Variants in LIPN observed in about 807,000 individuals in gnomAD.
LIPN encodes lipase family member N.
In LIPN, 32 loss-of-function variants were observed where a neutral mutation model predicts 43.7. That is an observed-to-expected ratio of 0.73 (90% confidence interval 0.55 to 0.98). The LOEUF is 0.98. Among genes scored for constraint, LIPN ranks in the 50% least tolerant of loss-of-function variants. The probability of loss-of-function intolerance (pLI) is 0.00; values close to 1 mark genes in which losing one functional copy is unlikely to be tolerated. For synonymous variants in LIPN, 156 were observed against 157.6 expected (o/e 0.99, Z 0.08); for missense variants, 505 against 483.8 (o/e 1.04, Z -0.41).
rs1300632946 is a variant in LIPN, at chr10:88,761,751, CTATCTATCTATGTATCTATCTATCTATT to C, written c.108+250_108+277del. Among the ~76,000 whole-genome samples the C allele has an allele frequency of 3.1e-3, 286 of 93,306 alleles. 2 individuals carry two copies. In the East Asian group the frequency reaches 0.057, roughly 19 times the overall value. 61.2% of individuals were successfully genotyped at this position (93,306 alleles called of 152,430 possible). ...TCTATCTATCTATCTATCTATCTAT[CTATCTATCTATGTATCTATCTATCTATT>C]TATCTATCTATCTATCTATCTATAG... is the stretch of plus-strand genomic sequence containing the variant. On this transcript the variant is annotated intron_variant, in intron 2 of 9. Coordinates refer to ENST00000404459, the MANE Select transcript of LIPN (RefSeq NM_001102469.2).
chr10:88,778,904 T>C lies in LIPN; in HGVS notation c.*662T>C, dbSNP rs185062701. Among the ~76,000 whole-genome samples, 11 of 152,290 alleles carry C rather than the reference T, an allele frequency of 7.2e-5. No homozygotes were observed. Among genetic ancestry groups the C allele is most frequent in the Non-Finnish European group, 1.3e-4 (9 of 68,026 alleles). On this transcript the variant is annotated 3_prime_UTR_variant, in exon 10 of 10. Transcript: ENST00000404459. The stretch of plus-strand genomic sequence containing the variant: ...AATAAATTGTACAGCATCAATATCA[T>C]TTTATAATCATAGGGAGGCTTCTTT...
At chr10:88,761,767 C>CTATCTATG (rs1554827666) in intron 2 of LIPN, among the ~76,000 whole-genome samples, 2 of 73,680 alleles carry the variant, frequency 2.7e-5, no homozygotes, top group Non-Finnish European at 4.7e-5. Flanking sequence ...ATCTATGTAT[C>CTATCTATG]TATCTATCTA....
chr10:88,770,187 C>A (rs1211311023), intron 6 of LIPN, among the ~76,000 whole-genome samples: 1 of 151,804 alleles, frequency 6.6e-6, no homozygotes, highest in African/African-American at 2.4e-5. Context: ...TCCAAGTTTA[C>A]TTTCCCAACT....
intron 2 of LIPN, among the ~76,000 whole-genome samples, chr10:88,761,729 ATC>A (rs1491069844): frequency 2.7e-5 from 2 of 73,768 alleles, no homozygotes; most frequent in South Asian, 6.0e-4. Context: ...CTATCTATCT[ATC>A]TATCTATCTA....
intron 7 of LIPN, among the ~76,000 whole-genome samples, chr10:88,771,542 C>G (rs548442180): frequency 1.4e-3 from 220 of 151,814 alleles, no homozygotes; most frequent in South Asian, 3.5e-3. Flanking sequence ...TGGCTTATTT[C>G]ACTTAATGTA....
intron 2 of LIPN, among the ~76,000 whole-genome samples, chr10:88,761,765 ATC>A (rs2134825158): frequency 1.1e-5 from 1 of 87,332 alleles, no homozygotes; most frequent in Non-Finnish European, 2.0e-5. Context: ...CTATCTATGT[ATC>A]TATCTATCTA....
At chr10:88,760,644 A>G (rs1017277133) in intron 1 of LIPN, among the ~76,000 whole-genome samples, 4 of 152,160 alleles carry the variant, frequency 2.6e-5, no homozygotes, top group Admixed American at 1.3e-4. Context: ...AATCCTCACT[A>G]TAACCCTATG....
At chr10:88,767,917 A>G (rs914862595) in intron 5 of LIPN, among the ~76,000 whole-genome samples, 2 of 151,426 alleles carry the variant, frequency 1.3e-5, no homozygotes, top group Non-Finnish European at 2.9e-5. Flanking sequence ...GGGAAGTACT[A>G]TTCCTGATTC....
Position 88,779,277 on chromosome 10 carries a change from A to G in LIPN, c.*1035A>G, listed in dbSNP as rs1266603604. Among the ~76,000 whole-genome samples, 1 of 152,182 alleles carries G rather than the reference A, an allele frequency of 6.6e-6. No homozygotes were observed. On this transcript the variant is annotated 3_prime_UTR_variant, in exon 10 of 10. Transcript: ENST00000404459. The stretch of plus-strand genomic sequence containing the variant: ...ATGCAGGCTGATATCCTTCTGTGCT[A>G]AGAGAGATGATCCTTGGAAAATCCA...
At chr10:88,776,204 T>G (rs1843293579) in intron 9 of LIPN, among the ~76,000 whole-genome samples, 1 of 151,722 alleles carries the variant, frequency 6.6e-6, no homozygotes, top group South Asian at 2.1e-4. Context: ...TATTTGCAAA[T>G]GCTTAGAAAA....
chr10:88,774,813 C>A (rs530177412), intron 8 of LIPN, among the ~76,000 whole-genome samples: 1 of 151,882 alleles, frequency 6.6e-6, no homozygotes, highest in South Asian at 2.1e-4. Context: ...ACTAGGGAAG[C>A]CTCAGGAGAA....
chr10:88,768,883 G>T lies in LIPN; in HGVS notation c.627G>T (p.Thr209=). 6.2e-7 allele frequency: 1 copy of T among 1,611,168 alleles called. No individual in the cohort carries two copies. The highest frequency in any genetic ancestry group is 1.1e-5 in the South Asian group (1 of 90,944). The change falls in exon 6 of 10, where the codon ACG becomes ACT. Residue 209 remains threonine, a synonymous_variant. Coordinates refer to ENST00000404459, the MANE Select transcript of LIPN (RefSeq NM_001102469.2). ...CTACGATCTCATTCAAATATCCCACGGGCATTTTTACCAGGTTTTTTCTAC... is the reference window on the plus strand; with the variant it reads ...CTACGATCTCATTCAAATATCCCACTGGCATTTTTACCAGGTTTTTTCTAC... ...LGPTISFKYP[T]GIFTRFFLLP...
intron 7 of LIPN, among the ~76,000 whole-genome samples, chr10:88,773,688 A>T: frequency 6.6e-6 from 1 of 151,968 alleles, no homozygotes; most frequent in East Asian, 1.9e-4. Flanking sequence ...GTTACAGTGA[A>T]GCCAGTCCCA....
In LIPN at chr10:88,768,941, C is replaced by A. The variant is rs1419906777; in HGVS notation, c.672+13C>A. 2 of 1,608,142 alleles carry A rather than the reference C, an allele frequency of 1.2e-6. No homozygotes were observed. Among genetic ancestry groups the A allele is most frequent in the Admixed American group, 1.7e-5 (1 of 59,680 alleles). On this transcript the variant is annotated intron_variant, in intron 6 of 9. Transcript: ENST00000404459. ...TTCCATAATCAAGGTAGGCTCCTTTCAACAAAATGTACCTGAGGATCTCAT... is the reference window on the plus strand; with the variant it reads ...TTCCATAATCAAGGTAGGCTCCTTTAAACAAAATGTACCTGAGGATCTCAT...
chr10:88,759,605 C>T (rs1842967408), upstream of LIPN, among the ~76,000 whole-genome samples: 1 of 152,090 alleles, frequency 6.6e-6, no homozygotes, highest in Non-Finnish European at 1.5e-5. Context: ...CTCATCTTCT[C>T]AAATGAGTTA....
At chr10:88,757,358 G>A (rs1482638476), upstream of LIPN, among the ~76,000 whole-genome samples, 7 of 152,258 alleles carry the variant, frequency 4.6e-5, no homozygotes, top group East Asian at 9.7e-4. Context: ...GGATGGTCCT[G>A]ATCGTGTCAC....
rs573576005 is a variant in LIPN at position 88,763,085 on chromosome 10, C to A, written c.226+780C>A. Among the ~76,000 whole-genome samples, 6 of 152,080 alleles carry A rather than the reference C, an allele frequency of 3.9e-5. No homozygotes were observed. The East Asian group carries it at 1.2e-3, about 30-fold the overall frequency. ...ACACATATTAAGGAGCAGCTGAGGT[C>A]ATGTTTGACATTCTCTCCCTCTTTT... On this transcript the variant is annotated intron_variant, in intron 3 of 9. Transcript: ENST00000404459.
At chr10:88,764,666 C>T (rs1006770758) in intron 4 of LIPN, 58 bp downstream of exon 4, 3 of 1,225,124 alleles carry the variant, frequency 2.4e-6, no homozygotes, top group African/African-American at 1.5e-5. Context: ...AAAAAAATAA[C>T]GTGGACGCTA....
chr10:88,778,027 G>C lies in LIPN; in HGVS notation c.982G>C (p.Asp328His), dbSNP rs1460931607. ...CCCACAGAGTCATCCCCCTATATATGACCTGACTGCCATGAAAGTGCCTAC... is the reference window on the plus strand; with the variant it reads ...CCCACAGAGTCATCCCCCTATATATCACCTGACTGCCATGAAAGTGCCTAC... ...HYNQSHPPIY[D>H]LTAMKVPTAI... The change falls in exon 10 of 10, where the codon GAC becomes CAC. Residue 328 changes from aspartate (D) to histidine (H), a missense_variant. Asp to His is a moderately conservative substitution (Grantham distance 81). Coordinates refer to ENST00000404459, the MANE Select transcript of LIPN (RefSeq NM_001102469.2). 1 of 1,612,792 alleles carries C rather than the reference G, an allele frequency of 6.2e-7. No individual in the cohort carries two copies. The highest frequency in any genetic ancestry group is 1.3e-5 in the African/African-American group (1 of 74,834).
Sources: allele counts gnomAD v4.1 joint callset (sites outside exome capture counted in the v4.1 genomes callset), GRCh38; gene constraint gnomAD v4.1.1; transcripts MANE v1.5; gene names NCBI Gene and HGNC (gene_info 2026-07-23, HGNC 2026-07-21).